TDRD5: variants seen among roughly 807,000 people sequenced by gnomAD.
The protein encoded by TDRD5 is tudor domain-containing protein 5.
TDRD5 carries 41 observed loss-of-function variants against 120.6 expected under a neutral mutation model. The observed-to-expected ratio is 0.34, with a 90% CI of 0.26 to 0.44. TDRD5 has a LOEUF of 0.44. TDRD5 is among the 20% of genes least tolerant of loss of function. The pLI is 1.00. For synonymous variants in TDRD5, 430 were observed against 433.7 expected (o/e 0.99, Z 0.11); for missense variants, 1,006 against 1,221.2 (o/e 0.82, Z 2.63).
intron 1 of TDRD5, 104 bp from the exon 2 acceptor site, chr1:179,592,498 C>T (rs1675164138): frequency 1.1e-6 from 1 of 890,038 alleles, no homozygotes; most frequent in Non-Finnish European, 1.7e-6. Context: ...GCCTTATTAC[C>T]CTTAAAACTG....
chr1:179,663,681 CA>C (rs1246355688), intron 16 of TDRD5, among the ~76,000 whole-genome samples, 190 bp downstream of exon 16: 1 of 152,074 alleles, frequency 6.6e-6, no homozygotes, highest in African/African-American at 2.4e-5. Context: ...ATTTGCACCC[CA>C]GAATACTTGT....
chr1:179,613,085 A>G (rs1002489296), intron 4 of TDRD5, among the ~76,000 whole-genome samples: 2 of 152,198 alleles, frequency 1.3e-5, no homozygotes, highest in African/African-American at 4.8e-5. Flanking sequence ...TCTAAATGAA[A>G]TCAGGGTGGT....
At chr1:179,643,848 C>A (rs1678190508) in intron 11 of TDRD5, among the ~76,000 whole-genome samples, 1 of 152,078 alleles carries the variant, frequency 6.6e-6, no homozygotes, top group South Asian at 2.1e-4. Flanking sequence ...AGAATATCAA[C>A]AAACTCCAAG....
At position 179,592,848 on chromosome 1, in the gene TDRD5, G is replaced by A. The variant is rs1483490959; in HGVS notation, c.232+1G>A. The A allele has an allele frequency of 6.2e-7, 1 of 1,613,632 alleles. No individual in the cohort carries two copies. The highest frequency in any genetic ancestry group is 1.3e-5 in the African/African-American group (1 of 74,900). On this transcript the variant is annotated splice_donor_variant, in intron 2 of 17. Coordinates refer to ENST00000444136, the MANE Select transcript of TDRD5 (RefSeq NM_001199085.3). LOFTEE classifies it high-confidence loss of function. The stretch of plus-strand genomic sequence containing the variant: ...GCAGGTGGTACTGTAATACTGAAAG[G>A]TAGGTTTAAGATTTTTGAAGGTCTA...
chr1:179,650,318 T>C (rs1678641284), intron 11 of TDRD5, among the ~76,000 whole-genome samples: 1 of 150,590 alleles, frequency 6.6e-6, no homozygotes, highest in African/African-American at 2.4e-5. Flanking sequence ...GGAGAATCGC[T>C]TGAACCTGAG....
intron 4 of TDRD5, among the ~76,000 whole-genome samples, chr1:179,610,967 ATTAATC>A (rs1457687812): frequency 6.6e-6 from 1 of 152,088 alleles, no homozygotes; most frequent in Non-Finnish European, 1.5e-5. Flanking sequence ...TTATTCAAGT[ATTAATC>A]TTATGCCTTT....
intron 4 of TDRD5, among the ~76,000 whole-genome samples, chr1:179,612,113 G>A (rs910289921): frequency 6.6e-6 from 1 of 152,150 alleles, no homozygotes; most frequent in Non-Finnish European, 1.5e-5. Context: ...AAATTAAAGT[G>A]TAAACTTTTT....
intron 11 of TDRD5, among the ~76,000 whole-genome samples, chr1:179,647,684 C>T (rs1273791865): frequency 2.9e-3 from 438 of 151,380 alleles, no homozygotes; most frequent in South Asian, 4.0e-3. Context: ...AGAAAATTTT[C>T]GCCACCTACT....
intron 17 of TDRD5, among the ~76,000 whole-genome samples, chr1:179,686,154 A>T (rs1482407489): frequency 7.9e-5 from 12 of 152,184 alleles, no homozygotes; most frequent in Non-Finnish European, 1.3e-4. Context: ...GTTTTTGCCC[A>T]TTCAGTATGA....
rs769813658 is a variant in TDRD5 at position 179,592,809 on chromosome 1, G to T, written c.194G>T (p.Arg65Leu). The T allele has an allele frequency of 1.4e-5, 23 of 1,614,036 alleles. No individual in the cohort carries two copies. Among genetic ancestry groups the T allele is most frequent in the Non-Finnish European group, 1.8e-5 (21 of 1,180,038 alleles). The change falls in exon 2 of 18, where the codon CGT becomes CTT. Residue 65 changes from arginine to leucine, a missense_variant. By Grantham distance (102) the Arg-to-Leu change is moderately radical. Coordinates refer to ENST00000444136, the MANE Select transcript of TDRD5 (RefSeq NM_001199085.3). Reference sequence around the variant, plus strand: ...GTATTGGACATGCCTGATGTTGTTCGTGTCTGCCCCGGTGCAGGTGGTACT... The same window carrying T: ...GTATTGGACATGCCTGATGTTGTTCTTGTCTGCCCCGGTGCAGGTGGTACT... ...ELVLDMPDVV[R>L]VCPGAGGTVI...
Position 179,690,948 on chromosome 1 carries a change from G to GGGAGGGA in TDRD5, c.*14_*20dup, listed in dbSNP as rs755826350. 5 of 1,605,586 alleles carry GGGAGGGA rather than the reference G, an allele frequency of 3.1e-6. No individual in the cohort carries two copies. Among genetic ancestry groups the GGGAGGGA allele is most frequent in the Non-Finnish European group, 4.3e-6 (5 of 1,174,514 alleles). ...GTGAAAAGGATGGAAGCATGAGGGAGGGAGGGAGGAGGGAGAAAAACAGAA... is the reference window on the plus strand; with the variant it reads ...GTGAAAAGGATGGAAGCATGAGGGAGGGAGGGAGGAGGGAGGAGGGAGAAAAACAGAA... On this transcript the variant is annotated 3_prime_UTR_variant, in exon 18 of 18. Coordinates refer to ENST00000444136, the MANE Select transcript of TDRD5 (RefSeq NM_001199085.3).
chr1:179,595,843 T>C (rs376009831), intron 4 of TDRD5, 25 bp downstream of exon 4: 31 of 1,574,538 alleles, frequency 2.0e-5, no homozygotes, highest in Non-Finnish European at 2.5e-5. Flanking sequence ...TTTGGAGATA[T>C]AAATATACGA....
At chr1:179,687,591 A>G (rs1462701164) in intron 17 of TDRD5, among the ~76,000 whole-genome samples, 3 of 152,030 alleles carry the variant, frequency 2.0e-5, no homozygotes, top group Non-Finnish European at 4.4e-5. Flanking sequence ...CAATTCCTGG[A>G]TATCCTTGTT....
chr1:179,613,699 G>C (rs986680457), intron 4 of TDRD5, among the ~76,000 whole-genome samples: 2 of 152,152 alleles, frequency 1.3e-5, no homozygotes, highest in Non-Finnish European at 2.9e-5. Flanking sequence ...TCTAATAGGG[G>C]CACTAATCCC....
At chr1:179,625,467 T>A (rs1677072549) in intron 6 of TDRD5, among the ~76,000 whole-genome samples, 1 of 152,168 alleles carries the variant, frequency 6.6e-6, no homozygotes, top group South Asian at 2.1e-4. Context: ...TATAGCTCCA[T>A]AATAGAAAGC....
intron 11 of TDRD5, among the ~76,000 whole-genome samples, chr1:179,641,527 G>A (rs72706751): frequency 0.04 from 6,102 of 150,708 alleles, 198 homozygotes; most frequent in East Asian, 0.11. Flanking sequence ...GCGAAACTCC[G>A]TCTCAGAAAA....
intron 5 of TDRD5, 27 bp from the exon 6 acceptor site, chr1:179,621,008 T>C: frequency 1.7e-5 from 27 of 1,554,856 alleles, no homozygotes; most frequent in Non-Finnish European, 2.4e-5. Flanking sequence ...AGTGTGTCTA[T>C]ATTGTATTTC....
At chr1:179,686,446 A>G (rs1210200546) in intron 17 of TDRD5, among the ~76,000 whole-genome samples, 1 of 152,198 alleles carries the variant, frequency 6.6e-6, no homozygotes, top group Admixed American at 6.5e-5. Flanking sequence ...TTGGTTTGCC[A>G]GTATTTTATT....
At position 179,593,679 on chromosome 1, in the gene TDRD5, C is replaced by A; in HGVS notation, c.452C>A (p.Ser151Tyr). ...TTGGCGTTATCTCCTGTTCTTCTTT[C>A]TGATTTTGAAAAGGCATTTGCCAAA... ...DLLALSPVLL[S>Y]DFEKAFAKRF... Residue 151 changes from serine (S) to tyrosine (Y), a missense_variant, in exon 3 of 18, where the codon TCT (serine) becomes TAT (tyrosine). Physicochemically the swap from Ser to Tyr is moderately radical, Grantham distance 144. This residue lies in a region of TDRD5 where 445 missense variants were observed against 515.5 expected (regional missense o/e 0.86). Transcript: ENST00000444136. 6.2e-7 allele frequency: 1 copy of A among 1,614,234 alleles called. No homozygotes were observed. Among genetic ancestry groups the A allele is most frequent in the South Asian group, 1.1e-5 (1 of 91,088 alleles).
Sources: allele counts gnomAD v4.1 joint callset (sites outside exome capture counted in the v4.1 genomes callset), GRCh38; gene constraint gnomAD v4.1.1; regional missense constraint gnomAD v4.1.1; transcripts MANE v1.5; gene names NCBI Gene and HGNC (gene_info 2026-07-23, HGNC 2026-07-21).